The following ANKIB1 variants were observed in gnomAD, a reference collection of about 807,000 sequenced individuals.
The protein encoded by ANKIB1 is ankyrin repeat and IBR domain-containing protein 1.
A neutral mutation model predicts 122.1 loss-of-function variants in ANKIB1; 43 were observed. The ratio of observed to expected loss-of-function variants is 0.35; its 90% confidence interval spans 0.28 to 0.45. The LOEUF is 0.45. Among genes scored for constraint, ANKIB1 ranks in the 20% least tolerant of loss-of-function variants. ANKIB1 has a pLI of 1.00. For missense variants in ANKIB1, 992 were observed against 1,329.5 expected, an observed-to-expected ratio of 0.75 and a Z score of 3.95; for synonymous variants, 390 against 442.0, an observed-to-expected ratio of 0.88 and a Z score of 1.48.
At chr7:92,299,074 T>G (rs1368434694) in intron 2 of ANKIB1, among the ~76,000 whole-genome samples, 1 of 152,194 alleles carries the variant, frequency 6.6e-6, no homozygotes, top group Non-Finnish European at 1.5e-5. Context: ...AACATTTTCT[T>G]GAAAATGAAT....
intron 11 of ANKIB1, among the ~76,000 whole-genome samples, chr7:92,382,757 T>C (rs1804546248): frequency 6.6e-6 from 1 of 152,222 alleles, no homozygotes. Context: ...GAGGGAAATT[T>C]ATAGCACTAA....
At chr7:92,278,917 A>G (rs1297807590) in intron 1 of ANKIB1, among the ~76,000 whole-genome samples, 1 of 152,212 alleles carries the variant, frequency 6.6e-6, no homozygotes, top group African/African-American at 2.4e-5. Context: ...CAATGAATCA[A>G]GAAACCCAAA....
At chr7:92,301,812 T>C (rs1802461775) in intron 2 of ANKIB1, among the ~76,000 whole-genome samples, 1 of 152,202 alleles carries the variant, frequency 6.6e-6, no homozygotes, top group Non-Finnish European at 1.5e-5. Flanking sequence ...AAATGTTGTG[T>C]TAGATTTAGT....
chr7:92,306,610 A>C (rs1309367601), intron 2 of ANKIB1, among the ~76,000 whole-genome samples: 1 of 152,072 alleles, frequency 6.6e-6, no homozygotes. Flanking sequence ...ATGTGAGAGA[A>C]CACAAGAAGG....
intron 3 of ANKIB1, among the ~76,000 whole-genome samples, chr7:92,319,114 G>A (rs1351018919): frequency 3.3e-5 from 5 of 151,580 alleles, no homozygotes; most frequent in Admixed American, 3.3e-4. Flanking sequence ...TTAACAAGAC[G>A]AAGTCATTCA....
At chr7:92,390,209 CATGATTACTAAAACA>C (rs2115706467) in intron 15 of ANKIB1, 93 bp downstream of exon 15, 1 of 905,524 alleles carries the variant, frequency 1.1e-6, no homozygotes, top group African/African-American at 1.8e-5. Context: ...TTAATGTGGA[CATGATTACTAAAACA>C]ATTTTCTTTT....
intron 7 of ANKIB1, among the ~76,000 whole-genome samples, chr7:92,348,385 C>CTTTTT (rs563453600): frequency 7.4e-6 from 1 of 134,468 alleles, no homozygotes; most frequent in African/African-American, 2.8e-5. Context: ...GTCTTTAAGA[C>CTTTTT]TTTTTTTTTT....
At chr7:92,264,838 A>C (rs1410974701) in intron 1 of ANKIB1, among the ~76,000 whole-genome samples, 1 of 152,072 alleles carries the variant, frequency 6.6e-6, no homozygotes, top group African/African-American at 2.4e-5. Context: ...AGAATAGACA[A>C]ACACTAAACA....
intron 14 of ANKIB1, 142 bp downstream of exon 14, chr7:92,388,183 A>C (rs545479194): frequency 1.3e-6 from 1 of 786,588 alleles, no homozygotes; most frequent in East Asian, 2.7e-5. Context: ...TGAAGCCCTG[A>C]GTGCAGCTTA....
chr7:92,270,202 G>A (rs1448507669), intron 1 of ANKIB1, among the ~76,000 whole-genome samples: 1 of 152,010 alleles, frequency 6.6e-6, no homozygotes, highest in Non-Finnish European at 1.5e-5. Flanking sequence ...AGCTGGGACT[G>A]TAGGCGCATG....
intron 10 of ANKIB1, among the ~76,000 whole-genome samples, chr7:92,363,584 G>C (rs1416747614): frequency 6.6e-6 from 1 of 152,228 alleles, no homozygotes; most frequent in East Asian, 1.9e-4. Context: ...CTCAGGTTGG[G>C]GGAAGAAAGG....
At chr7:92,312,100 A>G (rs1207616521) in intron 3 of ANKIB1, among the ~76,000 whole-genome samples, 1 of 151,978 alleles carries the variant, frequency 6.6e-6, no homozygotes, top group Non-Finnish European at 1.5e-5. Context: ...CATCAAACTC[A>G]TACTACCCAT....
chr7:92,259,172 T>G (rs1019929743), intron 1 of ANKIB1, among the ~76,000 whole-genome samples: 8 of 152,148 alleles, frequency 5.3e-5, no homozygotes, highest in African/African-American at 1.9e-4. Context: ...CCCAGGCTGG[T>G]CTCGGACTCT....
chr7:92,378,314 A>AGTTTTGG (rs373418745), intron 11 of ANKIB1, among the ~76,000 whole-genome samples: 36 of 152,202 alleles, frequency 2.4e-4, no homozygotes, highest in African/African-American at 8.7e-4. Context: ...GTGCTGAAAA[A>AGTTTTGG]GTTTTGGATT....
intron 1 of ANKIB1, among the ~76,000 whole-genome samples, chr7:92,249,278 A>G (rs1722898235): frequency 6.6e-6 from 1 of 152,150 alleles, no homozygotes; most frequent in Admixed American, 6.5e-5. Context: ...TTCTGGAACT[A>G]CCAGGGTAAA....
chr7:92,399,086 T>TC lies in ANKIB1; in HGVS notation c.*140dup. ...ACATTAGGGTTGAATACAGAGAAGT[T>TC]CCCTTGAATGGTAGCTTCATTTTTT... On this transcript the variant is annotated 3_prime_UTR_variant, in exon 20 of 20. Transcript: ENST00000265742. 1 of 914,838 alleles carries TC rather than the reference T, an allele frequency of 1.1e-6. No homozygotes were observed. The highest frequency in any genetic ancestry group is 1.5e-6 in the Non-Finnish European group (1 of 672,990). 56.7% of individuals were successfully genotyped at this position (914,838 alleles called of 1,614,324 possible).
At chr7:92,344,303 C>T (rs1188926892) in intron 6 of ANKIB1, among the ~76,000 whole-genome samples, 5 of 141,372 alleles carry the variant, frequency 3.5e-5, no homozygotes, top group Non-Finnish European at 7.5e-5. Flanking sequence ...CTCCCAGATT[C>T]AGGTGATTCT....
chr7:92,248,812 T>G lies in ANKIB1; in HGVS notation c.-91+2293T>G, dbSNP rs139848142. Among the ~76,000 whole-genome samples, 11 of 152,200 alleles carry G rather than the reference T, an allele frequency of 7.2e-5. No homozygotes were observed. The East Asian group carries it at 2.1e-3, about 29-fold the overall frequency. On this transcript the variant is annotated intron_variant, in intron 1 of 19. Coordinates refer to ENST00000265742, the MANE Select transcript of ANKIB1 (RefSeq NM_019004.2). ...CTTAGGGGGAATGGTAATTTTTGGA[T>G]TCTCAGTTTATTTTTCAGATAACCT...
chr7:92,265,236 G>A (rs1234556237), intron 1 of ANKIB1, among the ~76,000 whole-genome samples: 1 of 152,108 alleles, frequency 6.6e-6, no homozygotes, highest in African/African-American at 2.4e-5. Flanking sequence ...ATCTCCCAAA[G>A]CACTGGAATT....
Sources: allele counts gnomAD v4.1 joint callset (sites outside exome capture counted in the v4.1 genomes callset), GRCh38; gene constraint gnomAD v4.1.1; transcripts MANE v1.5; gene names NCBI Gene and HGNC (gene_info 2026-07-23, HGNC 2026-07-21).